TNKS: variants seen among roughly 807,000 people sequenced by gnomAD.
The protein encoded by TNKS is tankyrase, also known as poly [ADP-ribose] polymerase tankyrase-1.
Under a neutral mutation model 135.8 loss-of-function variants are expected in TNKS, and 72 were observed. The ratio of observed to expected loss-of-function variants is 0.53; its 90% confidence interval spans 0.44 to 0.64. The LOEUF (loss-of-function observed/expected upper bound fraction) is 0.64, where lower values mean the gene tolerates loss of function less well. Ranked by LOEUF, TNKS falls within the 30% of genes least tolerant of loss-of-function variation. The probability of loss-of-function intolerance (pLI) is 0.00; values close to 1 mark genes in which losing one functional copy is unlikely to be tolerated. For synonymous variants in TNKS, 849 were observed against 649.3 expected (o/e 1.31, Z -4.68); for missense variants, 1,769 against 1,674.0 (o/e 1.06, Z -0.99).
At chr8:9,590,052 C>A (rs1230538886) in intron 2 of TNKS, among the ~76,000 whole-genome samples, 1 of 152,176 alleles carries the variant, frequency 6.6e-6, no homozygotes, top group African/African-American at 2.4e-5. Context: ...AGCATTGGGG[C>A]CCTGTGCAAC....
intron 3 of TNKS, among the ~76,000 whole-genome samples, chr8:9,621,176 G>A (rs1054544756): frequency 2.6e-5 from 4 of 152,116 alleles, no homozygotes; most frequent in African/African-American, 9.7e-5. Flanking sequence ...GATGGATGAG[G>A]TTTACTGAGT....
At chr8:9,762,872 TCCAG>T (rs1216245273) in intron 21 of TNKS, among the ~76,000 whole-genome samples, 1 of 147,120 alleles carries the variant, frequency 6.8e-6, no homozygotes, top group Non-Finnish European at 1.5e-5. Context: ...GTCACTGCAC[TCCAG>T]CCTGGGCGAC....
At chr8:9,656,180 A>G (rs180854598) in intron 3 of TNKS, among the ~76,000 whole-genome samples, 270 of 152,326 alleles carry the variant, frequency 1.8e-3, no homozygotes, top group Non-Finnish European at 3.1e-3. Flanking sequence ...AAGCGAGAAG[A>G]GAAGTTTAGA....
intron 5 of TNKS, among the ~76,000 whole-genome samples, chr8:9,696,006 T>C (rs1803497183): frequency 6.6e-6 from 1 of 152,176 alleles, no homozygotes; most frequent in East Asian, 1.9e-4. Flanking sequence ...TGATGTCACA[T>C]AGGCAGTTGG....
chr8:9,688,647 T>C (rs1803120369), intron 5 of TNKS, among the ~76,000 whole-genome samples: 2 of 152,110 alleles, frequency 1.3e-5, no homozygotes, highest in African/African-American at 4.8e-5. Flanking sequence ...TTTCTTTTCT[T>C]TTTTTCTTTT....
chr8:9,774,315 G>A lies in TNKS; in HGVS notation c.3898-2335G>A, dbSNP rs138173085. Among the ~76,000 whole-genome samples, 20 of 152,244 alleles carry A rather than the reference G, an allele frequency of 1.3e-4. No individual in the cohort carries two copies. The East Asian group carries it at 3.9e-3, about 29-fold the overall frequency. ...TATAGAATAGAATGATTTCTAAAAT[G>A]GTTTCCAAACATACAGAATCATTCA... On this transcript the variant is annotated intron_variant, in intron 26 of 26. Coordinates refer to ENST00000310430, the MANE Select transcript of TNKS (RefSeq NM_003747.3).
intron 2 of TNKS, among the ~76,000 whole-genome samples, chr8:9,583,435 C>G (rs537669854): frequency 6.6e-6 from 1 of 152,124 alleles, no homozygotes; most frequent in Non-Finnish European, 1.5e-5. Flanking sequence ...CTCCCTACCC[C>G]TCAAATATAG....
In TNKS at chr8:9,779,592, C is replaced by G. The variant is rs1243311582; in HGVS notation, c.*2856C>G. The G allele has an allele frequency of 6.6e-6, 1 of 152,138 alleles. No individual in the cohort carries two copies. Among genetic ancestry groups the G allele is most frequent in the Non-Finnish European group, 1.5e-5 (1 of 68,044 alleles). 9.4% of individuals were successfully genotyped at this position (152,138 alleles called of 1,614,324 possible). ...CTTTCTCCCTGTATTTGACCTCCTTCCCTCTTTCCTAAATTACTAGTCTGG... is the reference window on the plus strand; with the variant it reads ...CTTTCTCCCTGTATTTGACCTCCTTGCCTCTTTCCTAAATTACTAGTCTGG... On this transcript the variant is annotated 3_prime_UTR_variant, in exon 27 of 27. Transcript: ENST00000310430.
At chr8:9,602,564 C>T (rs896013556) in intron 2 of TNKS, among the ~76,000 whole-genome samples, 23 of 152,128 alleles carry the variant, frequency 1.5e-4, no homozygotes, top group Admixed American at 7.2e-4. Context: ...AGGATACTAG[C>T]GGAGTCTCCA....
intron 19 of TNKS, among the ~76,000 whole-genome samples, chr8:9,752,146 T>C (rs917691979): frequency 1.3e-5 from 2 of 152,314 alleles, no homozygotes; most frequent in South Asian, 4.1e-4. Flanking sequence ...GAATGAAAAC[T>C]AAAATGATAG....
intron 3 of TNKS, among the ~76,000 whole-genome samples, chr8:9,661,960 A>C (rs1411520021): frequency 6.6e-6 from 1 of 152,288 alleles, no homozygotes; most frequent in African/African-American, 2.4e-5. Context: ...GAAGACATTT[A>C]TGCAGCCAAA....
rs59789406 is a variant in TNKS at position 9,775,459 on chromosome 8, C to CTATATATATATA, written c.3898-1157_3898-1146dup. ...ACGGAAAAGAATATTATGAATGGTTCTATATATATATATATATATATATAT... is the reference window on the plus strand; with the variant it reads ...ACGGAAAAGAATATTATGAATGGTTCTATATATATATATATATATATATATATATATATATAT... On this transcript the variant is annotated intron_variant, in intron 26 of 26. Coordinates refer to ENST00000310430, the MANE Select transcript of TNKS (RefSeq NM_003747.3). 3.2e-3 allele frequency among the ~76,000 whole-genome samples: 261 copies of CTATATATATATA among 80,558 alleles called. 2 individuals are homozygous for CTATATATATATA. Among genetic ancestry groups the CTATATATATATA allele is most frequent in the Non-Finnish European group, 4.5e-3 (181 of 40,198 alleles). 52.8% of individuals were successfully genotyped at this position (80,558 alleles called of 152,430 possible).
chr8:9,757,560 A>G (rs2128831458), intron 20 of TNKS, among the ~76,000 whole-genome samples: 1 of 152,008 alleles, frequency 6.6e-6, no homozygotes, highest in South Asian at 2.1e-4. Context: ...ACCTTTCCTC[A>G]TCTCCTTCCT....
Position 9,762,962 on chromosome 8 carries a change from CCTGT to C in TNKS, c.3275-178_3275-175del, listed in dbSNP as rs1049654360. Among the ~76,000 whole-genome samples the C allele has an allele frequency of 1.5e-4, 23 of 150,668 alleles. 1 individual carries two copies. The highest frequency in any genetic ancestry group is 5.1e-4 in the African/African-American group (21 of 41,176). On this transcript the variant is annotated intron_variant, in intron 21 of 26. Transcript: ENST00000310430. The stretch of plus-strand genomic sequence containing the variant: ...TCCCCAAACATCTTCATTTTTTTCT[CCTGT>C]CTGTCTTTGAGTATATTTGTTTAAA...
At chr8:9,766,459 C>T (rs760005431) in intron 25 of TNKS, 34 bp downstream of exon 25, 5 of 1,434,856 alleles carry the variant, frequency 3.5e-6, no homozygotes, top group Non-Finnish European at 4.6e-6. Flanking sequence ...ACGTTTCCCA[C>T]CCCTAGGTCA....
intron 15 of TNKS, 110 bp downstream of exon 15, chr8:9,733,554 G>A: frequency 3.5e-6 from 3 of 854,758 alleles, no homozygotes; most frequent in Middle Eastern, 3.6e-4. Context: ...CTGCTGTAGA[G>A]ACTGCTCTCA....
intron 5 of TNKS, among the ~76,000 whole-genome samples, chr8:9,681,675 T>C (rs1802787688): frequency 6.6e-6 from 1 of 152,150 alleles, no homozygotes; most frequent in Non-Finnish European, 1.5e-5. Context: ...TTATTTACAG[T>C]GAAAATGTTA....
chr8:9,642,273 G>A (rs1800757957), intron 3 of TNKS, among the ~76,000 whole-genome samples: 1 of 146,398 alleles, frequency 6.8e-6, no homozygotes, highest in African/African-American at 2.5e-5. Context: ...AGCACAGAAT[G>A]AGAAATTATG....
chr8:9,654,027 C>G (rs1563144199), intron 3 of TNKS, among the ~76,000 whole-genome samples: 2 of 152,190 alleles, frequency 1.3e-5, no homozygotes, highest in South Asian at 4.1e-4. Context: ...AGCCCTTTAG[C>G]TGCAGAGGTC....
Sources: gnomAD v4.1 joint callset for allele counts (sites outside exome capture counted in the v4.1 genomes callset) on GRCh38, gnomAD v4.1.1 for gene constraint, MANE v1.5 for transcripts, NCBI Gene and HGNC (gene_info 2026-07-23, HGNC 2026-07-21) for gene names.